The following ZNRF3 variants were observed in gnomAD, a reference collection of about 807,000 sequenced individuals.
ZNRF3 encodes E3 ubiquitin-protein ligase ZNRF3.
ZNRF3 carries 23 observed loss-of-function variants against 72.5 expected under a neutral mutation model. That is an observed-to-expected ratio of 0.32 (90% CI 0.23 to 0.45). ZNRF3 has a LOEUF of 0.45. ZNRF3 is among the 20% of genes least tolerant of loss of function. ZNRF3 has a pLI of 1.00. For synonymous variants in ZNRF3, 610 were observed against 545.3 expected, an observed-to-expected ratio of 1.12 and a Z score of -1.65; for missense variants, 1,169 against 1,272.1, an observed-to-expected ratio of 0.92 and a Z score of 1.23.
At chr22:28,992,160 C>G (rs910375139) in intron 2 of ZNRF3, among the ~76,000 whole-genome samples, 1 of 150,070 alleles carries the variant, frequency 6.7e-6, no homozygotes, top group Admixed American at 6.7e-5. Context: ...CTCTCTCCCT[C>G]TTCCCCCCAA....
At chr22:28,991,570 G>A (rs1470034727) in intron 2 of ZNRF3, among the ~76,000 whole-genome samples, 1 of 152,066 alleles carries the variant, frequency 6.6e-6, no homozygotes, top group East Asian at 1.9e-4. Context: ...CTGGCTTATG[G>A]GAAATGTTGG....
At position 29,050,813 on chromosome 22, in the gene ZNRF3, C is replaced by G. The variant is rs201527056; in HGVS notation, c.2632C>G (p.Arg878Gly). The G allele has an allele frequency of 4.4e-6, 7 of 1,607,622 alleles. No homozygotes were observed. The African/African-American group carries it at 9.3e-5, about 21-fold the overall frequency. Residue 878 changes from arginine to glycine, a missense_variant, in exon 8 of 9, where the codon CGG becomes GGG. Coordinates refer to ENST00000544604, the MANE Select transcript of ZNRF3 (RefSeq NM_001206998.2). ...CCTGGGAGCAACCCGGGAAGAGGAG[C>G]GGGCTCTGTGCTGCCAGGCTAGGGC... ...RGLGATREEERALCCQARALL... is the reference protein window; with the variant it reads ...RGLGATREEEGALCCQARALL...
At chr22:29,036,633 G>C (rs1379507664) in intron 2 of ZNRF3, among the ~76,000 whole-genome samples, 1 of 152,158 alleles carries the variant, frequency 6.6e-6, no homozygotes, top group Non-Finnish European at 1.5e-5. Flanking sequence ...TATAAGAGGA[G>C]CATTAAAATT....
chr22:29,054,587 A>G lies in ZNRF3; in HGVS notation c.*965A>G, dbSNP rs2037266268. On this transcript the variant is annotated 3_prime_UTR_variant, in exon 9 of 9. Transcript: ENST00000544604. Reference sequence around the variant, plus strand: ...GCAAAAATATTTTGGGCCCCCTGCCACTGGCTGCAGAAATGGCTCGACGGG... The same window carrying G: ...GCAAAAATATTTTGGGCCCCCTGCCGCTGGCTGCAGAAATGGCTCGACGGG... The G allele has an allele frequency of 6.5e-6, 1 of 152,830 alleles. No individual in the cohort carries two copies. The highest frequency in any genetic ancestry group is 1.5e-5 in the Non-Finnish European group (1 of 68,182). 9.5% of individuals were successfully genotyped at this position (152,830 alleles called of 1,614,324 possible). A position where few individuals can be genotyped will look rare whatever the true frequency, so the allele number is the denominator to read the frequency against.
At chr22:28,953,517 T>G (rs2035203268) in intron 1 of ZNRF3, among the ~76,000 whole-genome samples, 1 of 152,164 alleles carries the variant, frequency 6.6e-6, no homozygotes, top group African/African-American at 2.4e-5. Context: ...CTCCTCCAAG[T>G]GTTCTTGTCC....
chr22:28,887,048 G>A (rs73388872), intron 1 of ZNRF3, among the ~76,000 whole-genome samples: 17,784 of 152,160 alleles, frequency 0.12, 1,560 homozygotes, highest in East Asian at 0.3. Flanking sequence ...AAGCTAAATA[G>A]TAGCACTATA....
chr22:29,037,540 A>T (rs1318891589), intron 2 of ZNRF3, among the ~76,000 whole-genome samples: 1 of 152,228 alleles, frequency 6.6e-6, no homozygotes, highest in Non-Finnish European at 1.5e-5. Flanking sequence ...ACATTTATTG[A>T]ATAACCATAG....
chr22:29,019,827 G>C (rs943720064), intron 2 of ZNRF3, among the ~76,000 whole-genome samples: 1 of 152,174 alleles, frequency 6.6e-6, no homozygotes, highest in African/African-American at 2.4e-5. Context: ...CTTGCCCGAG[G>C]ATATCAGTAA....
chr22:28,917,494 T>G (rs2034429757), intron 1 of ZNRF3: 1 of 972,260 alleles, frequency 1.0e-6, no homozygotes, highest in Non-Finnish European at 1.2e-6. Flanking sequence ...AACTGAAGAA[T>G]GTTAAATCTA....
chr22:29,036,454 TATC>T (rs1289117789), intron 2 of ZNRF3, among the ~76,000 whole-genome samples: 2 of 152,220 alleles, frequency 1.3e-5, no homozygotes, highest in African/African-American at 4.8e-5. Flanking sequence ...GCATGTGAAG[TATC>T]ATCATCTAGA....
intron 1 of ZNRF3, among the ~76,000 whole-genome samples, chr22:28,924,457 G>C (rs979064435): frequency 6.6e-6 from 1 of 152,284 alleles, no homozygotes; most frequent in East Asian, 1.9e-4. Flanking sequence ...AGATCAAAAA[G>C]TAGGTAAGCA....
intron 1 of ZNRF3, among the ~76,000 whole-genome samples, chr22:28,920,014 G>A (rs1292686270): frequency 3.3e-5 from 5 of 152,076 alleles, no homozygotes; most frequent in African/African-American, 4.8e-5. Context: ...TGCCCAGGCT[G>A]GAGTGCAATG....
In ZNRF3 at chr22:28,947,884, C is replaced by T. The variant is rs142928358; in HGVS notation, c.301-39192C>T. On this transcript the variant is annotated intron_variant, in intron 1 of 8. Coordinates refer to ENST00000544604, the MANE Select transcript of ZNRF3 (RefSeq NM_001206998.2). ...TTTTTGAGATGGAGTATTGCTCTGT[C>T]ACCAGGTTGGAGTGCAGTGGCGTGA... Among the ~76,000 whole-genome samples, 303 of 152,176 alleles carry T rather than the reference C, an allele frequency of 2.0e-3. 2 individuals are homozygous for T. Among genetic ancestry groups the T allele is most frequent in the African/African-American group, 6.9e-3 (285 of 41,536 alleles).
At chr22:28,902,070 G>A (rs902701056) in intron 1 of ZNRF3, among the ~76,000 whole-genome samples, 6 of 151,274 alleles carry the variant, frequency 4.0e-5, no homozygotes, top group Non-Finnish European at 7.4e-5. Context: ...CTGAGTAGCT[G>A]GGATTACAGG....
intron 1 of ZNRF3, among the ~76,000 whole-genome samples, chr22:28,960,035 T>G (rs190815347): frequency 1.3e-5 from 2 of 152,356 alleles, no homozygotes; most frequent in Admixed American, 6.5e-5. Context: ...AGATACTTAG[T>G]TCAGATAGAA....
At chr22:29,032,417 A>G (rs2036779938) in intron 2 of ZNRF3, among the ~76,000 whole-genome samples, 1 of 152,200 alleles carries the variant, frequency 6.6e-6, no homozygotes, top group African/African-American at 2.4e-5. Context: ...AGGCCAAGCC[A>G]CTTTTAGTGC....
chr22:28,905,988 G>T (rs140150219), intron 1 of ZNRF3, among the ~76,000 whole-genome samples: 1 of 152,180 alleles, frequency 6.6e-6, no homozygotes, highest in Admixed American at 6.5e-5. Context: ...GTAATTGGAG[G>T]CAGGTAAATC....
At chr22:28,981,828 C>T (rs1425082410) in intron 1 of ZNRF3, among the ~76,000 whole-genome samples, 2 of 152,070 alleles carry the variant, frequency 1.3e-5, no homozygotes, top group East Asian at 1.9e-4. Context: ...GAAACCCTGA[C>T]TCTACTAAAA....
intron 1 of ZNRF3, among the ~76,000 whole-genome samples, chr22:28,885,229 C>T (rs2033757539): frequency 6.6e-6 from 1 of 152,078 alleles, no homozygotes; most frequent in Admixed American, 6.6e-5. Flanking sequence ...AAAGCCCTGC[C>T]TTCATAGGAC....
Sources: allele counts gnomAD v4.1 joint callset (sites outside exome capture counted in the v4.1 genomes callset), GRCh38; gene constraint gnomAD v4.1.1; transcripts MANE v1.5; gene names NCBI Gene and HGNC (gene_info 2026-07-23, HGNC 2026-07-21).